TDRD3: variants seen among roughly 807,000 people sequenced by gnomAD.
The protein encoded by TDRD3 is tudor domain containing 3.
A neutral mutation model predicts 86.7 loss-of-function variants in TDRD3; 45 were observed. That is an observed-to-expected ratio of 0.52 (90% CI 0.41 to 0.67). The LOEUF is 0.67. TDRD3 is among the 30% of genes least tolerant of loss of function. TDRD3 has a pLI of 0.00. For synonymous variants in TDRD3, 298 were observed against 301.7 expected, an observed-to-expected ratio of 0.99 and a Z score of 0.13; for missense variants, 814 against 889.0, an observed-to-expected ratio of 0.92 and a Z score of 1.07.
At chr13:60,515,758 A>C (rs749543256) in intron 10 of TDRD3, among the ~76,000 whole-genome samples, 6 of 152,198 alleles carry the variant, frequency 3.9e-5, no homozygotes, top group Non-Finnish European at 8.8e-5. Flanking sequence ...AGCTCATTTT[A>C]AGATAGCATG....
intron 12 of TDRD3, among the ~76,000 whole-genome samples, chr13:60,542,286 G>A (rs1957835731): frequency 6.6e-6 from 1 of 152,048 alleles, no homozygotes; most frequent in Admixed American, 6.6e-5. Context: ...CAGTGCACAG[G>A]AAATAAAGTA....
At chr13:60,508,947 GC>G (rs1162977173) in intron 8 of TDRD3, among the ~76,000 whole-genome samples, 2 of 152,096 alleles carry the variant, frequency 1.3e-5, no homozygotes, top group African/African-American at 4.8e-5. Flanking sequence ...ACCTCAAATA[GC>G]CCATGCATTG....
At chr13:60,554,669 G>A (rs564363521) in intron 12 of TDRD3, among the ~76,000 whole-genome samples, 5 of 152,312 alleles carry the variant, frequency 3.3e-5, no homozygotes, top group Admixed American at 1.3e-4. Flanking sequence ...CAGAGACTTC[G>A]TGCTTTCCTA....
chr13:60,546,222 T>C (rs1412350996), intron 12 of TDRD3, among the ~76,000 whole-genome samples: 1 of 152,126 alleles, frequency 6.6e-6, no homozygotes, highest in Non-Finnish European at 1.5e-5. Context: ...GACTGACTTG[T>C]ATTGGAACTT....
chr13:60,457,233 C>T (rs1427462490), intron 3 of TDRD3, among the ~76,000 whole-genome samples: 2 of 152,152 alleles, frequency 1.3e-5, no homozygotes, highest in African/African-American at 4.8e-5. Context: ...TAAGAAGTGA[C>T]AAGAGATTCT....
intron 3 of TDRD3, among the ~76,000 whole-genome samples, chr13:60,457,766 C>T (rs1955713870): frequency 1.3e-5 from 2 of 152,182 alleles, no homozygotes; most frequent in Non-Finnish European, 2.9e-5. Context: ...TTTCATGCTT[C>T]TCACCTAGCT....
intron 5 of TDRD3, among the ~76,000 whole-genome samples, chr13:60,479,833 T>G (rs1383506950): frequency 6.6e-6 from 1 of 152,220 alleles, no homozygotes; most frequent in African/African-American, 2.4e-5. Context: ...TGCTCTTTTT[T>G]GTTTTCTGTT....
At chr13:60,446,186 A>G (rs112168241) in intron 3 of TDRD3, among the ~76,000 whole-genome samples, 9 of 152,094 alleles carry the variant, frequency 5.9e-5, no homozygotes, top group African/African-American at 2.2e-4. Flanking sequence ...CCAACACAAT[A>G]TTAATAAACT....
intron 5 of TDRD3, among the ~76,000 whole-genome samples, chr13:60,482,568 A>G (rs575302906): frequency 9.9e-5 from 15 of 152,218 alleles, no homozygotes; most frequent in Non-Finnish European, 2.2e-4. Flanking sequence ...GAAATGATTT[A>G]TAGCTGTTTG....
rs1389838633 is a variant in TDRD3, at chr13:60,445,946, A to G, written c.192+1198A>G. Among the ~76,000 whole-genome samples, 6 of 152,290 alleles carry G rather than the reference A, an allele frequency of 3.9e-5. No individual in the cohort carries two copies. In the South Asian group the frequency reaches 1.0e-3, roughly 26 times the overall value. On this transcript the variant is annotated intron_variant, in intron 3 of 13. Coordinates refer to ENST00000377881, the MANE Select transcript of TDRD3 (RefSeq NM_001146070.2). Reference sequence around the variant, plus strand: ...TCTTGTCTGCTCCCTTCACTCTTTCAGAGTGTTTTTACTTTTAAAAGTTTT... The same window carrying G: ...TCTTGTCTGCTCCCTTCACTCTTTCGGAGTGTTTTTACTTTTAAAAGTTTT...
At chr13:60,497,901 A>G (rs1198409103) in intron 8 of TDRD3, among the ~76,000 whole-genome samples, 1 of 152,158 alleles carries the variant, frequency 6.6e-6, no homozygotes, top group Non-Finnish European at 1.5e-5. Context: ...TAATGGTGGA[A>G]GCAACATTGA....
At chr13:60,435,155 A>G (rs1273016027) in intron 1 of TDRD3, among the ~76,000 whole-genome samples, 4 of 152,220 alleles carry the variant, frequency 2.6e-5, no homozygotes, top group African/African-American at 9.6e-5. Flanking sequence ...TCAGTAAGAT[A>G]TTATTCAGGG....
chr13:60,562,075 C>T lies in TDRD3; in HGVS notation c.2119-5450C>T, dbSNP rs930580295. 2.6e-5 allele frequency among the ~76,000 whole-genome samples: 4 copies of T among 152,042 alleles called. No individual in the cohort carries two copies. The East Asian group carries it at 5.8e-4, about 22-fold the overall frequency. ...CCTGTAATCCCAGCACTTTGAGAGG[C>T]CAAGGTGTGTGGATCACTTGAGATC... On this transcript the variant is annotated intron_variant, in intron 12 of 13. Transcript: ENST00000377881.
chr13:60,482,325 G>C (rs1002549965), intron 5 of TDRD3, among the ~76,000 whole-genome samples: 10 of 150,606 alleles, frequency 6.6e-5, no homozygotes, highest in African/African-American at 2.4e-4. Flanking sequence ...TAGCTCACCT[G>C]TTTTTTTTTC....
intron 1 of TDRD3, among the ~76,000 whole-genome samples, chr13:60,423,350 C>CT (rs1954712901): frequency 6.6e-6 from 1 of 152,144 alleles, no homozygotes; most frequent in Non-Finnish European, 1.5e-5. Context: ...CTTCGTTATA[C>CT]TGCTTTCATT....
intron 1 of TDRD3, among the ~76,000 whole-genome samples, chr13:60,436,894 T>A (rs1955124426): frequency 6.6e-6 from 1 of 152,310 alleles, no homozygotes; most frequent in Admixed American, 6.5e-5. Flanking sequence ...TTTCCTGATC[T>A]TCTACGATGC....
intron 8 of TDRD3, among the ~76,000 whole-genome samples, chr13:60,502,703 C>T (rs1455883367): frequency 6.6e-6 from 1 of 152,128 alleles, no homozygotes; most frequent in Admixed American, 6.6e-5. Context: ...TAGAAAGTGA[C>T]ATTCTTTACT....
intron 3 of TDRD3, among the ~76,000 whole-genome samples, chr13:60,450,051 G>A (rs1253174668): frequency 1.3e-5 from 2 of 152,028 alleles, no homozygotes; most frequent in East Asian, 3.9e-4. Context: ...TAGGTCCCAT[G>A]TTAAATAATT....
intron 3 of TDRD3, among the ~76,000 whole-genome samples, chr13:60,451,889 T>C (rs1044660964): frequency 7.9e-5 from 12 of 152,148 alleles, no homozygotes; most frequent in African/African-American, 2.9e-4. Flanking sequence ...AAAAATATCA[T>C]GTTGGAGTTT....
Sources: allele counts gnomAD v4.1 joint callset (sites outside exome capture counted in the v4.1 genomes callset), GRCh38; gene constraint gnomAD v4.1.1; transcripts MANE v1.5; gene names NCBI Gene and HGNC (gene_info 2026-07-23, HGNC 2026-07-21).